The following OTC variants were observed in gnomAD, a reference collection of about 807,000 sequenced individuals.
OTC encodes ornithine transcarbamylase.
OTC carries 3 observed loss-of-function variants against 30.3 expected under a neutral mutation model. That is an observed-to-expected ratio of 0.10 (90% CI 0.05 to 0.26). The LOEUF is 0.26. Among genes scored for constraint, OTC ranks in the 10% least tolerant of loss-of-function variants. The probability of loss-of-function intolerance (pLI) is 1.00; values close to 1 mark genes in which losing one functional copy is unlikely to be tolerated. For missense variants in OTC, 194 were observed against 260.3 expected (o/e 0.75, Z 1.75); for synonymous variants, 111 against 99.7 (o/e 1.11, Z -0.67).
the OTC span, among the ~76,000 whole-genome samples, chrX:38,337,759 A>T: frequency 1.8e-5 from 2 of 111,433 alleles, no homozygotes; most frequent in Non-Finnish European, 3.8e-5. Context: ...AATTTTTTCC[A>T]TTATAAACTA....
chrX:38,397,499 G>T (rs1469776719), intron 4 of OTC, among the ~76,000 whole-genome samples: 1 of 111,820 alleles, frequency 8.9e-6, no homozygotes, highest in Non-Finnish European at 1.9e-5. Flanking sequence ...CAAAAATCTG[G>T]TCACTAGGGA....
intron 4 of OTC, among the ~76,000 whole-genome samples, chrX:38,391,166 T>C (rs1486559440): frequency 1.8e-5 from 2 of 110,330 alleles, no homozygotes; most frequent in South Asian, 4.0e-4. Flanking sequence ...ACACCGCATG[T>C]TCTCATTCAT....
chrX:38,331,413 C>G, the OTC span, among the ~76,000 whole-genome samples: 2 of 102,869 alleles, frequency 1.9e-5, no homozygotes, highest in Admixed American at 2.1e-4. Context: ...GCCACTACAC[C>G]CAGCTAATTT....
intron 6 of OTC, among the ~76,000 whole-genome samples, chrX:38,406,707 C>A (rs57987556): frequency 0.064 from 7,207 of 111,763 alleles, 614 homozygotes; most frequent in African/African-American, 0.22. Context: ...ATATCCAAGT[C>A]TCTTCATTTA....
chrX:38,361,236 CAG>C (rs2068269995), intron 1 of OTC, among the ~76,000 whole-genome samples: 1 of 110,959 alleles, frequency 9.0e-6, no homozygotes, highest in Admixed American at 9.6e-5. Context: ...ACCTGGGAGA[CAG>C]ATGTTGCAGT....
At chrX:38,350,693 T>G (rs1036133991), upstream of OTC, among the ~76,000 whole-genome samples, 1 of 111,720 alleles carries the variant, frequency 9.0e-6, no homozygotes, top group African/African-American at 3.3e-5. Flanking sequence ...AACTTTTTTT[T>G]AGTTCCCTCT....
At chrX:38,420,051 T>G (rs990113102) in intron 9 of OTC, among the ~76,000 whole-genome samples, 5 of 111,555 alleles carry the variant, frequency 4.5e-5, no homozygotes, top group Non-Finnish European at 9.4e-5. Context: ...GTGATGGATA[T>G]GTTCATTAGC....
chrX:38,336,523 TA>T, the OTC span, among the ~76,000 whole-genome samples: 835 of 106,048 alleles, frequency 7.9e-3, 45 homozygotes, highest in East Asian at 0.17. Flanking sequence ...AGCTCAAAAA[TA>T]AAAAAAATAA....
At chrX:38,361,991 C>A (rs1258234659) in intron 1 of OTC, among the ~76,000 whole-genome samples, 1 of 110,365 alleles carries the variant, frequency 9.1e-6, no homozygotes, top group Admixed American at 9.7e-5. Flanking sequence ...AAAAAAAAAA[C>A]AGTTTTGGAG....
At chrX:38,375,548 GACA>G (rs2068342932) in intron 3 of OTC, among the ~76,000 whole-genome samples, 1 of 111,144 alleles carries the variant, frequency 9.0e-6, no homozygotes, top group South Asian at 3.8e-4. Flanking sequence ...TGAAGAGAGA[GACA>G]ACAAGATTAC....
intron 1 of OTC, among the ~76,000 whole-genome samples, chrX:38,356,501 G>A (rs1276277041): frequency 9.0e-6 from 1 of 111,441 alleles, no homozygotes; most frequent in Non-Finnish European, 1.9e-5. Flanking sequence ...AAGCCAGAGG[G>A]GTTCCTGTTA....
At chrX:38,346,820 A>T in the OTC span, among the ~76,000 whole-genome samples, 46 of 112,508 alleles carry the variant, frequency 4.1e-4, no homozygotes, top group African/African-American at 1.5e-3. Flanking sequence ...AAAGGAATTT[A>T]AAAGGGAGTT....
At chrX:38,394,642 T>G (rs922869739) in intron 4 of OTC, among the ~76,000 whole-genome samples, 1 of 111,803 alleles carries the variant, frequency 8.9e-6, no homozygotes, top group Non-Finnish European at 1.9e-5. Context: ...GATCCTTCCC[T>G]CCATGGCCTC....
At chrX:38,340,268 C>T in the OTC span, among the ~76,000 whole-genome samples, 1 of 111,042 alleles carries the variant, frequency 9.0e-6, no homozygotes, top group Non-Finnish European at 1.9e-5. Context: ...TACTAAAGTC[C>T]CCAAGCTTCC....
the OTC span, among the ~76,000 whole-genome samples, chrX:38,344,611 T>G: frequency 3.6e-5 from 4 of 111,114 alleles, no homozygotes; most frequent in African/African-American, 1.3e-4. Context: ...GAATGGAAAA[T>G]GTAAGGCTAC....
chrX:38,396,721 C>T (rs2068459216), intron 4 of OTC, among the ~76,000 whole-genome samples: 1 of 110,647 alleles, frequency 9.0e-6, no homozygotes, highest in Non-Finnish European at 1.9e-5. Flanking sequence ...TGCAGTGAGC[C>T]GAGATCATGC....
chrX:38,410,725 C>T (rs777975570), intron 8 of OTC, among the ~76,000 whole-genome samples: 1 of 111,850 alleles, frequency 8.9e-6, no homozygotes, highest in Non-Finnish European at 1.9e-5. Context: ...CTTACACTTG[C>T]TTGGCCAATC....
intron 9 of OTC, 120 bp from the exon 10 acceptor site, chrX:38,420,903 T>G: frequency 1.9e-6 from 1 of 515,450 alleles, no homozygotes. Flanking sequence ...ACCATTTTCT[T>G]GAGAAAACAC....
the OTC span, among the ~76,000 whole-genome samples, chrX:38,328,719 G>A: frequency 1.2e-4 from 13 of 112,007 alleles, no homozygotes; most frequent in African/African-American, 4.2e-4. Flanking sequence ...GACAGGATCA[G>A]TTATGTGTGT....
Sources: allele counts gnomAD v4.1 joint callset (sites outside exome capture counted in the v4.1 genomes callset), GRCh38; gene constraint gnomAD v4.1.1; transcripts MANE v1.5; gene names NCBI Gene and HGNC (gene_info 2026-07-23, HGNC 2026-07-21).